The following HDX variants were observed in gnomAD, a reference collection of about 807,000 sequenced individuals.
HDX encodes chromosome X open reading frame 43.
Under a neutral mutation model 45.2 loss-of-function variants are expected in HDX, and 19 were observed. The ratio of observed to expected loss-of-function variants is 0.42; its 90% confidence interval spans 0.29 to 0.62. The LOEUF is 0.62. Ranked by LOEUF, HDX falls within the 20% of genes least tolerant of loss-of-function variation. HDX has a pLI of 0.20. For synonymous variants in HDX, 188 were observed against 172.8 expected (o/e 1.09, Z -0.69); for missense variants, 532 against 493.9 (o/e 1.08, Z -0.73).
intron 2 of HDX, among the ~76,000 whole-genome samples, chrX:84,479,351 A>G (rs893670567): frequency 3.6e-5 from 4 of 111,905 alleles, no homozygotes; most frequent in Non-Finnish European, 7.5e-5. Flanking sequence ...CTTAGCATAG[A>G]GCATTTGAGA....
At chrX:84,376,073 T>C (rs188945657) in intron 5 of HDX, among the ~76,000 whole-genome samples, 7 of 112,164 alleles carry the variant, frequency 6.2e-5, no homozygotes, top group Admixed American at 4.7e-4. Flanking sequence ...GATTATGATT[T>C]AACAACTGGA....
chrX:84,322,029 T>C lies in HDX; in HGVS notation c.1948-15A>G, dbSNP rs760065561. On this transcript the variant is annotated splice_polypyrimidine_tract_variant and intron_variant, in intron 10 of 10. Coordinates refer to ENST00000373177, the MANE Select transcript of HDX (RefSeq NM_001177479.2). ...GACAGCAGTGCCTGAATAAAAAAAA[T>C]AATATTTTTGGATTAGTATGTGGAT... 1.8e-6 allele frequency: 2 copies of C among 1,110,740 alleles called. No homozygotes were observed. The highest frequency in any genetic ancestry group is 2.4e-6 in the Non-Finnish European group (2 of 828,642). The allele number at this position is 1,110,740 out of a possible 1,213,427, so 91.5% of individuals were successfully genotyped here. A position where few individuals can be genotyped will look rare whatever the true frequency, so the allele number is the denominator to read the frequency against.
At chrX:84,449,778 C>T (rs994795023) in intron 4 of HDX, among the ~76,000 whole-genome samples, 3 of 111,417 alleles carry the variant, frequency 2.7e-5, no homozygotes, top group East Asian at 2.8e-4. Context: ...CCAATGTTAC[C>T]GTTACAGAAA....
At chrX:84,357,496 G>A (rs2037515584) in intron 6 of HDX, among the ~76,000 whole-genome samples, 2 of 111,942 alleles carry the variant, frequency 1.8e-5, no homozygotes, top group Admixed American at 1.9e-4. Context: ...ATTCAAATGT[G>A]TAAAGCATTT....
chrX:84,319,554 A>G lies in HDX; in HGVS notation c.*2335T>C, dbSNP rs768330029. The G allele has an allele frequency of 3.1e-4, 34 of 111,103 alleles. No homozygotes were observed. The highest frequency in any genetic ancestry group is 1.0e-3 in the African/African-American group (32 of 30,801). The allele number at this position is 111,103 out of a possible 1,213,427, so 9.2% of individuals were successfully genotyped here. A position where few individuals can be genotyped will look rare whatever the true frequency, so the allele number is the denominator to read the frequency against. On this transcript the variant is annotated 3_prime_UTR_variant, in exon 11 of 11. Transcript: ENST00000373177. ...TTAATTCCAATGATGGTGAAGAAAA[A>G]TATTCTGGTGCTGAAACACAAATTT...
intron 5 of HDX, among the ~76,000 whole-genome samples, chrX:84,396,022 A>G (rs1375061877): frequency 8.9e-6 from 1 of 111,889 alleles, no homozygotes; most frequent in African/African-American, 3.2e-5. Context: ...GTTTTCAAAA[A>G]TCATTATTAC....
Position 84,469,297 on chromosome X carries a change from G to T in HDX, c.426C>A (p.Ala142=). 8.3e-7 allele frequency: 1 copy of T among 1,210,361 alleles called. No homozygotes were observed. Among genetic ancestry groups the T allele is most frequent in the Non-Finnish European group, 1.1e-6 (1 of 894,484 alleles). Residue 142 remains alanine (A), a synonymous_variant, in exon 4 of 11, where the codon GCC becomes GCA. Coordinates refer to ENST00000373177, the MANE Select transcript of HDX (RefSeq NM_001177479.2). ...ACTGAAACTCAGTATCATTTTTAGT[G>T]GCTGTTTTCTGAATAGGGATTTTAT... ...EAHKIPIQKT[A]TKNDTEFQLH...
chrX:84,405,694 T>C (rs1395789924), intron 5 of HDX, among the ~76,000 whole-genome samples: 1 of 100,552 alleles, frequency 9.9e-6, no homozygotes, highest in Non-Finnish European at 2.0e-5. Context: ...GTGTAAAGTA[T>C]TACGGAATGC....
At chrX:84,421,876 A>G (rs2039261126) in intron 5 of HDX, among the ~76,000 whole-genome samples, 1 of 111,500 alleles carries the variant, frequency 9.0e-6, no homozygotes, top group South Asian at 3.7e-4. Context: ...TAAAATATAT[A>G]TGAACCCAAC....
At chrX:84,440,344 C>T (rs763268308) in intron 5 of HDX, 188 bp downstream of exon 5, 2 of 398,886 alleles carry the variant, frequency 5.0e-6, no homozygotes, top group Non-Finnish European at 8.6e-6. Context: ...CTGAGTACTA[C>T]ATTATAATTA....
chrX:84,375,653 CA>C (rs923535651), intron 5 of HDX, among the ~76,000 whole-genome samples: 1 of 108,347 alleles, frequency 9.2e-6, no homozygotes, highest in African/African-American at 3.4e-5. Context: ...GACAAAAAAC[CA>C]AACACCGCAT....
intron 4 of HDX, among the ~76,000 whole-genome samples, chrX:84,442,581 G>T (rs1363158577): frequency 9.0e-6 from 1 of 111,308 alleles, no homozygotes; most frequent in African/African-American, 3.3e-5. Flanking sequence ...TGAGCTGAAG[G>T]TGATAGGAAA....
chrX:84,401,909 C>A (rs2038715797), intron 5 of HDX, among the ~76,000 whole-genome samples: 1 of 111,694 alleles, frequency 9.0e-6, no homozygotes, highest in Admixed American at 9.5e-5. Context: ...ATGGATGAAG[C>A]TGGAAGCCAT....
chrX:84,408,517 T>TTTTTTTC, intron 5 of HDX, among the ~76,000 whole-genome samples: 1 of 103,668 alleles, frequency 9.6e-6, no homozygotes, highest in Non-Finnish European at 2.0e-5. Flanking sequence ...TTTTTTTTTT[T>TTTTTTTC]TTTTTGCTTA....
intron 2 of HDX, among the ~76,000 whole-genome samples, chrX:84,478,831 C>G (rs753835563): frequency 9.0e-6 from 1 of 111,014 alleles, no homozygotes; most frequent in African/African-American, 3.3e-5. Flanking sequence ...TGCACTCCAG[C>G]CTGGGTGACA....
intron 2 of HDX, 45 bp from the exon 3 acceptor site, chrX:84,475,442 G>C (rs957799295): frequency 1.3e-5 from 11 of 860,208 alleles, no homozygotes; most frequent in Non-Finnish European, 1.8e-5. Context: ...TAAAAATTTG[G>C]TATGTGCAGA....
chrX:84,469,310 A>G lies in HDX; in HGVS notation c.413T>C (p.Ile138Thr). The G allele has an allele frequency of 4.1e-6, 5 of 1,211,147 alleles. No individual in the cohort carries two copies. The highest frequency in any genetic ancestry group is 5.6e-6 in the Non-Finnish European group (5 of 895,265). ...ATCATTTTTAGTGGCTGTTTTCTGA[A>G]TAGGGATTTTATGTGCTTCTGTAAT... is the stretch of plus-strand genomic sequence containing the variant. ...TQITEAHKIP[I>T]QKTATKNDTE... Residue 138 changes from isoleucine (I) to threonine (T), a missense_variant, in exon 4 of 11, where the codon ATT (isoleucine) becomes ACT (threonine). Ile to Thr is a moderately conservative substitution (Grantham distance 89). This residue lies in a region of HDX where 376 missense variants were observed against 343.7 expected (regional missense o/e 1.09). Coordinates refer to ENST00000373177, the MANE Select transcript of HDX (RefSeq NM_001177479.2).
Position 84,377,233 on chromosome X carries a change from AC to A in HDX, c.1306-15622del, listed in dbSNP as rs1262034149. On this transcript the variant is annotated intron_variant, in intron 5 of 10. Transcript: ENST00000373177. Reference sequence around the variant, plus strand: ...AAGCAGATAGAGCTTAGATTACAACACCCAAGTCCTTTCAAATATCTGGAAC... The same window carrying A: ...AAGCAGATAGAGCTTAGATTACAACACCAAGTCCTTTCAAATATCTGGAAC... Among the ~76,000 whole-genome samples the A allele has an allele frequency of 4.5e-5, 5 of 111,778 alleles. No homozygotes were observed. The Admixed American group carries it at 4.7e-4, about 11-fold the overall frequency.
At position 84,326,215 on chromosome X, in the gene HDX, A is replaced by G. The variant is rs759496101; in HGVS notation, c.1910T>C (p.Ile637Thr). The G allele has an allele frequency of 8.3e-7, 1 of 1,205,217 alleles. No individual in the cohort carries two copies. The highest frequency in any genetic ancestry group is 1.8e-5 in the South Asian group (1 of 56,801). ...FKLQTFVRSL[I>T]LAMKADDKEQ... ...CTTATCATCAGCTTTCATTGCTAAT[A>G]TCAAGCTTCTAACAAAAGTCTGAAG... The change falls in exon 10 of 11, where the codon ATA (isoleucine) becomes ACA (threonine). Residue 637 changes from isoleucine (I) to threonine (T), a missense_variant. Physicochemically the swap from Ile to Thr is moderately conservative, Grantham distance 89. This residue lies in a region of HDX where 151 missense variants were observed against 131.8 expected (regional missense o/e 1.15). Transcript: ENST00000373177.
Sources: gnomAD v4.1 joint callset for allele counts (sites outside exome capture counted in the v4.1 genomes callset) on GRCh38, gnomAD v4.1.1 for gene constraint, gnomAD v4.1.1 regional missense constraint, MANE v1.5 for transcripts, NCBI Gene and HGNC (gene_info 2026-07-23, HGNC 2026-07-21) for gene names.